The following PHACTR1 variants were observed in gnomAD, a reference collection of about 807,000 sequenced individuals.
PHACTR1 encodes the protein phosphatase and actin regulator 1.
PHACTR1 carries 16 observed loss-of-function variants against 69.2 expected under a neutral mutation model. The observed-to-expected ratio is 0.23, with a 90% CI of 0.16 to 0.35. The LOEUF (loss-of-function observed/expected upper bound fraction) is 0.35, where lower values mean the gene tolerates loss of function less well. Ranked by LOEUF, PHACTR1 falls within the 10% of genes least tolerant of loss-of-function variation. PHACTR1 has a pLI of 1.00. For synonymous variants in PHACTR1, 312 were observed against 284.5 expected (o/e 1.10, Z -0.97); for missense variants, 510 against 734.7 (o/e 0.69, Z 3.54).
At chr6:12,735,928 G>A (rs1015363501) in intron 3 of PHACTR1, among the ~76,000 whole-genome samples, 1 of 152,140 alleles carries the variant, frequency 6.6e-6, no homozygotes, top group Admixed American at 6.5e-5. Context: ...TAGAAACAAG[G>A]CAGCCACCTC....
rs1319258288 is a variant in PHACTR1, at chr6:13,283,228, G to A, written c.1510-194G>A. 7 of 589,266 alleles carry A rather than the reference G, an allele frequency of 1.2e-5. No individual in the cohort carries two copies. The highest frequency in any genetic ancestry group is 4.8e-4 in the Middle Eastern group (1 of 2,088). The allele number at this position is 589,266 out of a possible 1,614,324, so 36.5% of individuals were successfully genotyped here. On this transcript the variant is annotated intron_variant, in intron 12 of 14. Coordinates refer to ENST00000332995, the MANE Select transcript of PHACTR1 (RefSeq NM_030948.6). The surrounding 1 kb of genome is among the most constrained non-coding windows in gnomAD (Gnocchi z 4.7). ...AAGCTCTCTCTTAGGACCTAGAAACGTCCCACTCCCAAGAGTCAGGAGACT... is the reference window on the plus strand; with the variant it reads ...AAGCTCTCTCTTAGGACCTAGAAACATCCCACTCCCAAGAGTCAGGAGACT...
intron 4 of PHACTR1, among the ~76,000 whole-genome samples, chr6:13,034,016 C>A (rs376825655): frequency 1.1e-4 from 10 of 92,372 alleles, no homozygotes; most frequent in Non-Finnish European, 1.7e-4. Context: ...AGGACTTTTT[C>A]TTTTTTCTTT....
intron 3 of PHACTR1, among the ~76,000 whole-genome samples, chr6:12,732,390 C>G (rs1217060928): frequency 6.6e-6 from 1 of 151,538 alleles, no homozygotes; most frequent in Non-Finnish European, 1.5e-5. Flanking sequence ...GGTACATGTG[C>G]AGAACGTGCA....
intron 5 of PHACTR1, among the ~76,000 whole-genome samples, chr6:13,129,125 A>G (rs972532590): frequency 3.3e-5 from 5 of 152,192 alleles, no homozygotes; most frequent in African/African-American, 1.2e-4. Flanking sequence ...GCCACTACTA[A>G]GCCAGCACTA....
intron 4 of PHACTR1, among the ~76,000 whole-genome samples, chr6:12,809,139 C>T (rs1774729664): frequency 6.6e-6 from 1 of 152,166 alleles, no homozygotes. Context: ...CCTCTTGCCT[C>T]AGCATCCCGA....
chr6:13,008,013 C>T (rs985112074), intron 4 of PHACTR1, among the ~76,000 whole-genome samples: 1 of 152,012 alleles, frequency 6.6e-6, no homozygotes, highest in Non-Finnish European at 1.5e-5. Context: ...AAATAAAAAA[C>T]AAAACCCCAC....
rs796598436 is a variant in PHACTR1 at position 12,845,424 on chromosome 6, CACCCA to C, written c.250+95635_250+95639del. 3.4e-3 allele frequency among the ~76,000 whole-genome samples: 77 copies of C among 22,392 alleles called. 2 individuals carry two copies. The highest frequency in any genetic ancestry group is 5.4e-3 in the African/African-American group (35 of 6,504). The allele number at this position is 22,392 out of a possible 152,430, so 14.7% of individuals were successfully genotyped here. ...AGTGCCAAGATGTCATTGTGAACACCACCCACCCCCCCCCCCCCCGCCCTCCGTGC... is the reference window on the plus strand; with the variant it reads ...AGTGCCAAGATGTCATTGTGAACACCCCCCCCCCCCCCCCGCCCTCCGTGC... On this transcript the variant is annotated intron_variant, in intron 4 of 14. Transcript: ENST00000332995.
At chr6:13,252,277 A>C (rs1774551733) in intron 10 of PHACTR1, among the ~76,000 whole-genome samples, 1 of 150,028 alleles carries the variant, frequency 6.7e-6, no homozygotes, top group African/African-American at 2.4e-5. Flanking sequence ...GCAGTGAATC[A>C]AGATCGTGCC....
At chr6:13,152,065 G>A (rs2113458147) in intron 5 of PHACTR1, among the ~76,000 whole-genome samples, 1 of 152,280 alleles carries the variant, frequency 6.6e-6, no homozygotes, top group Admixed American at 6.5e-5. Flanking sequence ...GGGCGCAGTG[G>A]CTCACACCTA....
chr6:12,933,513 T>A, intron 4 of PHACTR1: 1 of 1,474,696 alleles, frequency 6.8e-7, no homozygotes, highest in South Asian at 1.5e-5. Flanking sequence ...AGCAAACAGA[T>A]CGGTTAGAAC....
At chr6:12,975,312 A>G (rs1048779918) in intron 4 of PHACTR1, among the ~76,000 whole-genome samples, 2 of 152,206 alleles carry the variant, frequency 1.3e-5, no homozygotes, top group South Asian at 4.1e-4. Flanking sequence ...TTGCAGCTAC[A>G]CGTTAAAGAA....
At chr6:13,226,560 T>C (rs1232381) in intron 8 of PHACTR1, among the ~76,000 whole-genome samples, 134,667 of 152,144 alleles carry the variant, frequency 0.89, 60,049 homozygotes, top group African/African-American at 0.94. Context: ...AAAAGAATTA[T>C]AAAATTTAAC....
chr6:12,721,571 T>C (rs532280790), intron 3 of PHACTR1, among the ~76,000 whole-genome samples: 2 of 152,210 alleles, frequency 1.3e-5, no homozygotes. Context: ...AAATAGCTCA[T>C]CTTGCTGCTC....
Position 13,179,469 on chromosome 6 carries a change from T to G in PHACTR1, c.497-3050T>G, listed in dbSNP as rs998044543. Among the ~76,000 whole-genome samples, 3 of 147,740 alleles carry G rather than the reference T, an allele frequency of 2.0e-5. No homozygotes were observed. Among genetic ancestry groups the G allele is most frequent in the African/African-American group, 7.6e-5 (3 of 39,670 alleles). The stretch of plus-strand genomic sequence containing the variant: ...GTTTAAAAATGTCATAATAAAAAAT[T>G]TAAAATATTACTTAAAAGTGGCAGT... On this transcript the variant is annotated intron_variant, in intron 6 of 14. Transcript: ENST00000332995. The surrounding 1 kb of genome is among the most constrained non-coding windows in gnomAD (Gnocchi z 4.2).
At chr6:12,860,339 T>A (rs908129693) in intron 4 of PHACTR1, among the ~76,000 whole-genome samples, 8 of 152,226 alleles carry the variant, frequency 5.3e-5, no homozygotes, top group African/African-American at 1.9e-4. Flanking sequence ...CATTCTTTTT[T>A]ATGGTTGCAG....
chr6:13,156,085 G>A (rs1174163035), intron 5 of PHACTR1, among the ~76,000 whole-genome samples: 3 of 152,164 alleles, frequency 2.0e-5, no homozygotes, highest in Non-Finnish European at 2.9e-5. Context: ...AAAGGGAAGA[G>A]CATTAAAATC....
At chr6:13,199,383 CAAAAAAAAAAAAAAAA>C (rs59070503) in intron 7 of PHACTR1, among the ~76,000 whole-genome samples, 6 of 78,252 alleles carry the variant, frequency 7.7e-5, no homozygotes, top group African/African-American at 3.0e-4. Flanking sequence ...GAGTCCATCT[CAAAAAAAAAAAAAAAA>C]AAAAAAAAAA....
chr6:12,918,689 T>C (rs1185413818), intron 4 of PHACTR1, among the ~76,000 whole-genome samples: 1 of 152,240 alleles, frequency 6.6e-6, no homozygotes, highest in Non-Finnish European at 1.5e-5. Flanking sequence ...TGCCTCATCA[T>C]ATAAAATCAC....
intron 5 of PHACTR1, among the ~76,000 whole-genome samples, chr6:13,136,100 A>G (rs761619388): frequency 6.6e-6 from 1 of 151,886 alleles, no homozygotes; most frequent in Non-Finnish European, 1.5e-5. Flanking sequence ...CCAGCTTTCC[A>G]TGCTTCTTGT....
Sources: gnomAD v4.1 joint callset for allele counts (sites outside exome capture counted in the v4.1 genomes callset) on GRCh38, gnomAD v4.1.1 for gene constraint, Gnocchi (gnomAD v3.1) non-coding constraint, MANE v1.5 for transcripts, NCBI Gene and HGNC (gene_info 2026-07-23, HGNC 2026-07-21) for gene names.